The following SSH2 variants were observed in gnomAD, a reference collection of about 807,000 sequenced individuals.
SSH2 encodes slingshot protein phosphatase 2, also known as protein phosphatase Slingshot homolog 2.
A neutral mutation model predicts 135.2 loss-of-function variants in SSH2; 37 were observed. The ratio of observed to expected loss-of-function variants is 0.27; its 90% CI spans 0.21 to 0.36. SSH2 has a LOEUF of 0.36. Ranked by LOEUF, SSH2 falls within the 10% of genes least tolerant of loss-of-function variation. The pLI, the probability that SSH2 is intolerant of heterozygous loss-of-function variation, is 1.00. For synonymous variants in SSH2, 628 were observed against 646.2 expected (o/e 0.97, Z 0.43); for missense variants, 1,408 against 1,765.3 (o/e 0.80, Z 3.63).
chr17:29,749,948 A>G (rs116301873), intron 3 of SSH2, among the ~76,000 whole-genome samples: 2,642 of 151,930 alleles, frequency 0.017, 79 homozygotes, highest in African/African-American at 0.06. Flanking sequence ...GCTTGTCTCA[A>G]ACTTGAGGCT....
chr17:29,798,895 TA>T (rs2042203582), intron 2 of SSH2, among the ~76,000 whole-genome samples: 1 of 152,238 alleles, frequency 6.6e-6, no homozygotes, highest in South Asian at 2.1e-4. Flanking sequence ...ATTATTTGAA[TA>T]TTTTTTAGAA....
At chr17:29,820,609 T>A (rs150755598) in intron 2 of SSH2, among the ~76,000 whole-genome samples, 1 of 152,240 alleles carries the variant, frequency 6.6e-6, no homozygotes. Flanking sequence ...TCTTATGCTA[T>A]CTACAGTAAA....
chr17:29,849,801 A>C lies in SSH2; in HGVS notation c.64-872T>G, dbSNP rs1259880397. On this transcript the variant is annotated intron_variant, in intron 1 of 15. Coordinates refer to ENST00000540801, the MANE Select transcript of SSH2 (RefSeq NM_001282129.2). ...GATCACCTGAGGTTAGGAGTTTGAG[A>C]CCAGCCTGGCCAACATAGTAAAACC... Among the ~76,000 whole-genome samples the C allele has an allele frequency of 2.7e-4, 39 of 145,764 alleles. 5 individuals carry two copies. The highest frequency in any genetic ancestry group is 1.9e-3 in the Admixed American group (27 of 14,214).
At chr17:29,764,479 T>G (rs1671277943) in intron 3 of SSH2, among the ~76,000 whole-genome samples, 1 of 152,222 alleles carries the variant, frequency 6.6e-6, no homozygotes, top group African/African-American at 2.4e-5. Flanking sequence ...TCTGTACCCA[T>G]GCATCTAGGA....
At chr17:29,837,453 G>A (rs1303858236) in intron 2 of SSH2, among the ~76,000 whole-genome samples, 1 of 152,142 alleles carries the variant, frequency 6.6e-6, no homozygotes, top group African/African-American at 2.4e-5. Flanking sequence ...TGGCAGCAGT[G>A]GGCTATCCAT....
intron 8 of SSH2, 106 bp from the exon 9 acceptor site, chr17:29,672,235 C>T: frequency 2.5e-6 from 2 of 794,984 alleles, no homozygotes; most frequent in South Asian, 4.3e-5. Context: ...TAGAATTTGT[C>T]CTCTGGACAA....
At chr17:29,876,019 T>A (rs1168364223) in intron 1 of SSH2, among the ~76,000 whole-genome samples, 1 of 149,734 alleles carries the variant, frequency 6.7e-6, no homozygotes, top group Non-Finnish European at 1.5e-5. Context: ...TATTCCATGT[T>A]CATGGATTGG....
chr17:29,887,910 T>A (rs1425382891), intron 1 of SSH2, among the ~76,000 whole-genome samples: 1 of 152,166 alleles, frequency 6.6e-6, no homozygotes, highest in Non-Finnish European at 1.5e-5. Flanking sequence ...CAATATAGTT[T>A]TTGCAGATTA....
intron 2 of SSH2, among the ~76,000 whole-genome samples, chr17:29,805,458 A>G (rs1042894213): frequency 1.3e-5 from 2 of 152,110 alleles, no homozygotes; most frequent in Non-Finnish European, 2.9e-5. Context: ...CCCGGCCCTC[A>G]TGCCTATAAG....
intron 3 of SSH2, among the ~76,000 whole-genome samples, chr17:29,732,221 T>C (rs1311841217): frequency 6.6e-6 from 1 of 152,210 alleles, no homozygotes; most frequent in Admixed American, 6.5e-5. Context: ...GGATAAAATA[T>C]TTTCTTTCTT....
At chr17:29,886,746 C>CA (rs1194032622) in intron 1 of SSH2, among the ~76,000 whole-genome samples, 6,487 of 56,452 alleles carry the variant, frequency 0.11, 218 homozygotes, top group African/African-American at 0.14. Flanking sequence ...GACTCCATCT[C>CA]AAAAAAAAAA....
chr17:29,840,294 T>C (rs1281922404), intron 2 of SSH2, among the ~76,000 whole-genome samples: 1 of 152,210 alleles, frequency 6.6e-6, no homozygotes, highest in Admixed American at 6.5e-5. Flanking sequence ...TCTGCATTCT[T>C]TGAAACATGC....
In SSH2 at chr17:29,756,227, C is replaced by G. The variant is rs575810609; in HGVS notation, c.188+37667G>C. ...GGCGGAGGTTGCGGTGAGCCCAGAT[C>G]ACTCCAGCCTGGGCAACAAGAGCGA... On this transcript the variant is annotated intron_variant, in intron 3 of 15. Transcript: ENST00000540801. Among the ~76,000 whole-genome samples the G allele has an allele frequency of 2.0e-5, 3 of 149,374 alleles. No homozygotes were observed. In the South Asian group the frequency reaches 6.3e-4, roughly 32 times the overall value.
intron 1 of SSH2, among the ~76,000 whole-genome samples, chr17:29,919,946 G>C (rs2066946219): frequency 6.6e-6 from 1 of 152,090 alleles, no homozygotes; most frequent in African/African-American, 2.4e-5. Context: ...TTTCCCTCTT[G>C]TTGCCCAGGC....
chr17:29,808,188 G>A (rs2042380458), intron 2 of SSH2, among the ~76,000 whole-genome samples: 1 of 152,158 alleles, frequency 6.6e-6, no homozygotes, highest in Admixed American at 6.5e-5. Flanking sequence ...GAGTGCAGTG[G>A]CGCAATTTCG....
intron 1 of SSH2, among the ~76,000 whole-genome samples, chr17:29,890,818 C>A (rs754854629): frequency 7.2e-5 from 11 of 152,142 alleles, no homozygotes; most frequent in Non-Finnish European, 1.3e-4. Flanking sequence ...CGCTGTGGTG[C>A]GATCTCGGCT....
At chr17:29,647,031 T>G (rs916509910) in intron 14 of SSH2, among the ~76,000 whole-genome samples, 1 of 150,808 alleles carries the variant, frequency 6.6e-6, no homozygotes, top group Non-Finnish European at 1.5e-5. Context: ...TCCCAGCACT[T>G]TGGGAGGCCG....
At chr17:29,698,413 A>C (rs1195920121) in intron 4 of SSH2, among the ~76,000 whole-genome samples, 1 of 152,312 alleles carries the variant, frequency 6.6e-6, no homozygotes, top group East Asian at 1.9e-4. Context: ...GAGGAGACAA[A>C]GTGTTAGGTA....
At chr17:29,738,385 C>G (rs920612699) in intron 3 of SSH2, among the ~76,000 whole-genome samples, 1 of 152,162 alleles carries the variant, frequency 6.6e-6, no homozygotes, top group African/African-American at 2.4e-5. Flanking sequence ...CCGCAATAAA[C>G]ATACGTGTGC....
Sources: gnomAD v4.1 joint callset for allele counts (sites outside exome capture counted in the v4.1 genomes callset) on GRCh38, gnomAD v4.1.1 for gene constraint, MANE v1.5 for transcripts, NCBI Gene and HGNC (gene_info 2026-07-23, HGNC 2026-07-21) for gene names.